WWC1: variants seen among roughly 807,000 people sequenced by gnomAD.
WWC1 encodes WW and C2 domain containing 1.
In WWC1, 55 loss-of-function variants were observed where a neutral mutation model predicts 138.4. That is an observed-to-expected ratio of 0.40 (90% confidence interval 0.32 to 0.50). The LOEUF (loss-of-function observed/expected upper bound fraction) is 0.50. Among genes scored for constraint, WWC1 ranks in the 20% least tolerant of loss-of-function variants. The pLI is 0.72. For synonymous variants in WWC1, 524 were observed against 564.9 expected (o/e 0.93, Z 1.03); for missense variants, 1,226 against 1,420.4 (o/e 0.86, Z 2.20).
intron 1 of WWC1, among the ~76,000 whole-genome samples, chr5:168,334,872 G>A (rs770523736): frequency 1.3e-5 from 2 of 152,236 alleles, no homozygotes; most frequent in African/African-American, 4.8e-5. Flanking sequence ...TGAAGAAGCT[G>A]ATTGGTGGGA....
intron 5 of WWC1, among the ~76,000 whole-genome samples, chr5:168,403,067 TTTCTTTCTTTC>T (rs1779483846): frequency 5.6e-5 from 6 of 108,026 alleles, no homozygotes; most frequent in Non-Finnish European, 1.9e-5. Context: ...TCTTTCTTTC[TTTCTTTCTTTC>T]TTTTCTTTCT....
At chr5:168,458,460 G>A (rs141053660) in intron 19 of WWC1, among the ~76,000 whole-genome samples, 8 of 152,040 alleles carry the variant, frequency 5.3e-5, no homozygotes, top group African/African-American at 9.7e-5. Context: ...TCCCTTGTTC[G>A]ATCTTCATCT....
chr5:168,294,869 G>A lies in WWC1; in HGVS notation c.119+2598G>A, dbSNP rs573109047. On this transcript the variant is annotated intron_variant, in intron 1 of 22. Transcript: ENST00000265293. Reference sequence around the variant, plus strand: ...TTGAACTCCTGAGCTCAGGCAATCCGCCCACCTCAGCCTCCCAAAGTGCTA... The same window carrying A: ...TTGAACTCCTGAGCTCAGGCAATCCACCCACCTCAGCCTCCCAAAGTGCTA... Among the ~76,000 whole-genome samples, 6 of 152,174 alleles carry A rather than the reference G, an allele frequency of 3.9e-5. No individual in the cohort carries two copies. In the East Asian group the frequency reaches 5.8e-4, roughly 15 times the overall value.
In WWC1 at chr5:168,414,544, G is replaced by T. The variant is rs1174810125; in HGVS notation, c.1138G>T (p.Asp380Tyr). Residue 380 changes from aspartate (D) to tyrosine (Y), a missense_variant, in exon 9 of 23, where the codon GAC becomes TAC. Physicochemically the swap from Asp to Tyr is radical, Grantham distance 160. Transcript: ENST00000265293. ...GATGGCCCGGAAGCGGCTGGAAAAG[G>T]ACCTGCAGGCAGCCCGGGACACCCA... is the stretch of plus-strand genomic sequence containing the variant. ...LEMARKRLEK[D>Y]LQAARDTQSK... The T allele has an allele frequency of 6.4e-7, 1 of 1,554,368 alleles. No individual in the cohort carries two copies. The highest frequency in any genetic ancestry group is 8.7e-7 in the Non-Finnish European group (1 of 1,148,876).
chr5:168,397,730 C>G lies in WWC1; in HGVS notation c.440C>G (p.Ser147Cys), dbSNP rs775878390. 1.2e-6 allele frequency: 2 copies of G among 1,613,990 alleles called. No individual in the cohort carries two copies. The highest frequency in any genetic ancestry group is 2.2e-5 in the South Asian group (2 of 91,070). ...TTTTCTTTTTTCCTTACAGTGGTCT[C>G]TGGTTCATCATCCAGCTCCAAGTAT... ...HKLGSQVSLV[S>C]GSSSSSKYDP... is the part of the protein sequence containing the mutation. Residue 147 changes from serine to cysteine, a missense_variant, in exon 4 of 23, where the codon TCT becomes TGT. Physicochemically the swap from Ser to Cys is moderately radical, Grantham distance 112. This residue lies in a region of WWC1 where 1,016 missense variants were observed against 1,153.9 expected (regional missense o/e 0.88). Coordinates refer to ENST00000265293, the MANE Select transcript of WWC1 (RefSeq NM_015238.3).
chr5:168,351,377 C>T (rs1260105138), intron 1 of WWC1, among the ~76,000 whole-genome samples: 10 of 152,154 alleles, frequency 6.6e-5, no homozygotes, highest in Non-Finnish European at 1.5e-4. Flanking sequence ...GCAAGTGCAC[C>T]TCATAAAGTC....
intron 1 of WWC1, among the ~76,000 whole-genome samples, chr5:168,358,533 G>A (rs559496402): frequency 6.6e-6 from 1 of 152,308 alleles, no homozygotes; most frequent in South Asian, 2.1e-4. Flanking sequence ...CAGTAGTATA[G>A]CTGAGGATTG....
intron 2 of WWC1, among the ~76,000 whole-genome samples, chr5:168,381,078 G>T (rs72828894): frequency 0.12 from 18,871 of 152,134 alleles, 1,283 homozygotes; most frequent in Non-Finnish European, 0.15. Flanking sequence ...AATCTCTCGG[G>T]TGATTCCAGT....
At chr5:168,444,196 G>A (rs1373713278) in intron 16 of WWC1, among the ~76,000 whole-genome samples, 2 of 152,234 alleles carry the variant, frequency 1.3e-5, no homozygotes, top group Non-Finnish European at 2.9e-5. Context: ...ACTGTGGTCT[G>A]CTTACAGTCA....
In WWC1 at chr5:168,460,741, G is replaced by A. The variant is rs771485054; in HGVS notation, c.2915G>A (p.Arg972Gln). 20 of 1,613,996 alleles carry A rather than the reference G, an allele frequency of 1.2e-5. No homozygotes were observed. Among genetic ancestry groups the A allele is most frequent in the East Asian group, 1.1e-4 (5 of 44,874 alleles). ...GAGCGACGCAGCGTCCGGATGAAGCGGGTAAGAGAGTCACCTCAAAGCTAT... is the reference window on the plus strand; with the variant it reads ...GAGCGACGCAGCGTCCGGATGAAGCAGGTAAGAGAGTCACCTCAAAGCTAT... Reference protein sequence around the residue: ...SLERRSVRMKRPSSVKSLRSE... With the variant: ...SLERRSVRMKQPSSVKSLRSE... The change falls in exon 20 of 23, where the codon CGG becomes CAG. Residue 972 changes from arginine (R) to glutamine (Q), a missense_variant and splice_region_variant. Arg to Gln is a conservative substitution (Grantham distance 43). Coordinates refer to ENST00000265293, the MANE Select transcript of WWC1 (RefSeq NM_015238.3).
At chr5:168,397,101 ATG>A (rs559074696) in intron 3 of WWC1, among the ~76,000 whole-genome samples, 193 of 151,700 alleles carry the variant, frequency 1.3e-3, no homozygotes, top group African/African-American at 4.4e-3. Flanking sequence ...TAAAATGCAT[ATG>A]TGTGTGTATA....
chr5:168,364,678 T>A (rs1036180764), intron 1 of WWC1, among the ~76,000 whole-genome samples: 1 of 152,176 alleles, frequency 6.6e-6, no homozygotes, highest in East Asian at 1.9e-4. Flanking sequence ...GGTGGAAGGA[T>A]GAGAGTGGAG....
rs1232971298 is a variant in WWC1, at chr5:168,291,828, G to A, written c.-325G>A. On this transcript the variant is annotated 5_prime_UTR_variant, in exon 1 of 23. Coordinates refer to ENST00000265293, the MANE Select transcript of WWC1 (RefSeq NM_015238.3). ...GCAGCGCGCCGCGCGGCGGAGGAGG[G>A]CAGACGGCGGCGGCGGCGGCGCTCG... 1 of 149,322 alleles carries A rather than the reference G, an allele frequency of 6.7e-6. No homozygotes were observed. The highest frequency in any genetic ancestry group is 1.5e-5 in the Non-Finnish European group (1 of 66,780). 9.2% of individuals were successfully genotyped at this position (149,322 alleles called of 1,614,324 possible).
At chr5:168,409,144 A>G (rs1292490797) in intron 7 of WWC1, among the ~76,000 whole-genome samples, 1 of 152,198 alleles carries the variant, frequency 6.6e-6, no homozygotes, top group African/African-American at 2.4e-5. Flanking sequence ...AGCACTGTCC[A>G]GATGTGGCTC....
At chr5:168,373,719 T>A (rs1036716563) in intron 2 of WWC1, among the ~76,000 whole-genome samples, 2 of 52,644 alleles carry the variant, frequency 3.8e-5, no homozygotes, top group Non-Finnish European at 6.4e-5. Flanking sequence ...CCTTGTCTCT[T>A]AAAAAAAAAA....
intron 1 of WWC1, among the ~76,000 whole-genome samples, chr5:168,315,423 G>T (rs1006434703): frequency 6.6e-6 from 1 of 151,784 alleles, no homozygotes; most frequent in Non-Finnish European, 1.5e-5. Flanking sequence ...TCGTTCCTTT[G>T]TGTCAACACC....
chr5:168,454,044 G>A lies in WWC1; in HGVS notation c.2602G>A (p.Glu868Lys). ...GGAGGTGGAGGAGGAGGAGGGAGAA[G>A]AGGATGTTTTCACCGAGAAAGCCTC... ...EEEVEEEEGE[E>K]DVFTEKASPD... Residue 868 changes from glutamate to lysine, a missense_variant, in exon 18 of 23, where the codon GAG becomes AAG. By Grantham distance (56) the Glu-to-Lys change is moderately conservative (BLOSUM62 1). Transcript: ENST00000265293. 6 of 1,613,590 alleles carry A rather than the reference G, an allele frequency of 3.7e-6. No homozygotes were observed. The highest frequency in any genetic ancestry group is 5.1e-6 in the Non-Finnish European group (6 of 1,179,970).
Position 168,399,577 on chromosome 5 carries a change from C to T in WWC1, c.590+10C>T. The T allele has an allele frequency of 6.2e-7, 1 of 1,613,882 alleles. No individual in the cohort carries two copies. Among genetic ancestry groups the T allele is most frequent in the Non-Finnish European group, 8.5e-7 (1 of 1,179,896 alleles). On this transcript the variant is annotated intron_variant, in intron 5 of 22. Coordinates refer to ENST00000265293, the MANE Select transcript of WWC1 (RefSeq NM_015238.3). ...TTCAGACCCTGAAGAAGTAAGTACA[C>T]CCTGCATCCCAGAGCATGGGGGCTG...
intron 2 of WWC1, among the ~76,000 whole-genome samples, chr5:168,379,811 G>T (rs961184903): frequency 6.6e-6 from 1 of 152,160 alleles, no homozygotes; most frequent in Non-Finnish European, 1.5e-5. Context: ...AAAAAAATAG[G>T]CCACCACTTC....
Sources: allele counts gnomAD v4.1 joint callset (sites outside exome capture counted in the v4.1 genomes callset), GRCh38; gene constraint gnomAD v4.1.1; regional missense constraint gnomAD v4.1.1; transcripts MANE v1.5; gene names NCBI Gene and HGNC (gene_info 2026-07-23, HGNC 2026-07-21).